Variants in GPRC5C observed in about 807,000 individuals in gnomAD.
GPRC5C encodes G protein-coupled receptor class C group 5 member C.
In GPRC5C, 22 loss-of-function variants were observed where a neutral mutation model predicts 31.4. The observed-to-expected ratio is 0.70, with a 90% confidence interval of 0.50 to 1.00. The LOEUF (loss-of-function observed/expected upper bound fraction) is 1.00. Ranked by LOEUF, GPRC5C falls within the 50% of genes least tolerant of loss-of-function variation. The pLI is 0.00. For synonymous variants in GPRC5C, 249 were observed against 257.5 expected, an observed-to-expected ratio of 0.97 and a Z score of 0.32; for missense variants, 557 against 597.2, an observed-to-expected ratio of 0.93 and a Z score of 0.70.
Position 74,439,794 on chromosome 17 carries a change from C to T in GPRC5C, c.18C>T (p.Ala6=), listed in dbSNP as rs200102526. 33 of 1,613,354 alleles carry T rather than the reference C, an allele frequency of 2.0e-5. No individual in the cohort carries two copies. The highest frequency in any genetic ancestry group is 2.8e-5 in the Non-Finnish European group (33 of 1,179,690). ...GAGCCAGGATGGCCATCCACAAAGC[C>T]TTGGTGATGTGCCTGGGACTGCCTC... The part of the protein sequence containing the change: MAIHK[A]LVMCLGLPLF... Residue 6 remains alanine (A), a synonymous_variant, in exon 2 of 4, where the codon GCC becomes GCT. Coordinates refer to ENST00000392627, the MANE Select transcript of GPRC5C (RefSeq NM_022036.4).
At chr17:74,451,572 C>G (rs1019348225), downstream of GPRC5C, 4 of 152,186 alleles carry the variant, frequency 2.6e-5, no homozygotes, top group African/African-American at 9.7e-5. Flanking sequence ...TCACACCCAC[C>G]ACTGTCAAAC....
downstream of GPRC5C, chr17:74,447,573 T>A: frequency 6.4e-6 from 1 of 156,682 alleles, no homozygotes; most frequent in Non-Finnish European, 1.4e-5. Flanking sequence ...CCTGTGCAGT[T>A]AAGTAGCTGA....
intron 1 of GPRC5C, among the ~76,000 whole-genome samples, chr17:74,437,178 G>A (rs1385504058): frequency 2.0e-5 from 3 of 152,058 alleles, no homozygotes; most frequent in Non-Finnish European, 4.4e-5. Context: ...TCCTGACCTC[G>A]TGATCTGCCC....
intron 3 of GPRC5C, 176 bp from the exon 4 acceptor site, chr17:74,446,673 C>T: frequency 1.7e-6 from 1 of 588,530 alleles, no homozygotes. Context: ...AGATAAGGGG[C>T]TCAGGTCTGG....
intron 3 of GPRC5C, chr17:74,445,795 C>T (rs1314232558): frequency 6.6e-6 from 1 of 152,136 alleles, no homozygotes; most frequent in Non-Finnish European, 1.5e-5. Context: ...ACCCTCTTCA[C>T]CCCACAGCTG....
chr17:74,441,713 C>T (rs956824513), intron 2 of GPRC5C, among the ~76,000 whole-genome samples: 1 of 151,778 alleles, frequency 6.6e-6, no homozygotes, highest in South Asian at 2.1e-4. Context: ...GGTCCCAGCT[C>T]CTCAGGAGGC....
At chr17:74,448,107 C>G (rs2055669678), downstream of GPRC5C, among the ~76,000 whole-genome samples, 1 of 152,012 alleles carries the variant, frequency 6.6e-6, no homozygotes, top group Non-Finnish European at 1.5e-5. Context: ...CCAGGAGTTC[C>G]AGACTAGCCT....
chr17:74,443,231 G>A (rs959750407), intron 2 of GPRC5C: 1 of 220,068 alleles, frequency 4.5e-6, no homozygotes, highest in East Asian at 1.7e-4. Flanking sequence ...AGTATCCCTG[G>A]AGCTAAAAAT....
At chr17:74,449,411 T>G (rs747814522), downstream of GPRC5C, 2 of 1,195,166 alleles carry the variant, frequency 1.7e-6, no homozygotes, top group South Asian at 2.5e-5. Context: ...TCCTCATTCC[T>G]CTGTACCCAG....
chr17:74,432,233 TG>T, intron 1 of GPRC5C, 92 bp downstream of exon 1: 1 of 1,541,652 alleles, frequency 6.5e-7, no homozygotes, highest in Non-Finnish European at 8.8e-7. Context: ...ATTAGCGCCC[TG>T]AATGGAGGTG....
intron 1 of GPRC5C, among the ~76,000 whole-genome samples, chr17:74,438,322 G>T (rs535087062): frequency 2.0e-5 from 3 of 148,100 alleles, no homozygotes; most frequent in Non-Finnish European, 4.5e-5. Flanking sequence ...GTGCAGTGGC[G>T]CAGTCTTGGC....
chr17:74,439,429 G>A (rs79744826), intron 1 of GPRC5C, among the ~76,000 whole-genome samples: 8,143 of 152,214 alleles, frequency 0.053, 450 homozygotes, highest in African/African-American at 0.13. Context: ...ATCCTCCACC[G>A]TGGCCGCCAG....
chr17:74,436,044 C>T (rs1479248438), intron 1 of GPRC5C, among the ~76,000 whole-genome samples: 1 of 152,186 alleles, frequency 6.6e-6, no homozygotes, highest in East Asian at 1.9e-4. Context: ...AGACTCTTTT[C>T]CTAAAAGCGC....
intron 2 of GPRC5C, chr17:74,443,476 T>C (rs1272337310): frequency 2.2e-6 from 1 of 447,458 alleles, no homozygotes; most frequent in African/African-American, 2.0e-5. Context: ...CCATGTGTCC[T>C]CTTGGCCTCT....
chr17:74,438,972 G>A (rs58892503), intron 1 of GPRC5C, among the ~76,000 whole-genome samples: 3,752 of 152,220 alleles, frequency 0.025, 155 homozygotes, highest in African/African-American at 0.084. Context: ...TAGCTACAAC[G>A]TCTTAAAGTC....
In GPRC5C at chr17:74,440,180, C is replaced by A. The variant is rs201326653; in HGVS notation, c.404C>A (p.Ala135Glu). 2 of 1,614,078 alleles carry A rather than the reference C, an allele frequency of 1.2e-6. No homozygotes were observed. Among genetic ancestry groups the A allele is most frequent in the Non-Finnish European group, 1.7e-6 (2 of 1,180,036 alleles). ...TTCGCCATCTGCTTCTCTTGTCTGG[C>A]GGCTCACGTCTTTGCCCTCAACTTC... is the stretch of plus-strand genomic sequence containing the variant. ...VLFAICFSCL[A>E]AHVFALNFLA... is the part of the protein sequence containing the mutation. Residue 135 changes from alanine to glutamate, a missense_variant, in exon 2 of 4, where the codon GCG becomes GAG. Transcript: ENST00000392627. This position sits in a 1 kb window ranked among gnomAD's most constrained non-coding sequence, Gnocchi z 4.4.
chr17:74,432,138 G>C lies in GPRC5C; in HGVS notation c.-36G>C, dbSNP rs374395462. 1.9e-4 allele frequency: 303 copies of C among 1,612,478 alleles called. 1 individual carries two copies. The highest frequency in any genetic ancestry group is 2.4e-4 in the Non-Finnish European group (278 of 1,179,498). Reference sequence around the variant, plus strand: ...CGGAAAGTACGAGTCGGCTCAGCCTGGAGGTGAGTCGGGGCGGGGAGGGCC... The same window carrying C: ...CGGAAAGTACGAGTCGGCTCAGCCTCGAGGTGAGTCGGGGCGGGGAGGGCC... On this transcript the variant is annotated 5_prime_UTR_variant, in exon 1 of 4. Coordinates refer to ENST00000392627, the MANE Select transcript of GPRC5C (RefSeq NM_022036.4).
rs1160077011 is a variant in GPRC5C, at chr17:74,440,658, C to G, written c.882C>G (p.Phe294Leu). ...LAANAWAFVLFYVIPEVSQVT... is the reference protein window; with the variant it reads ...LAANAWAFVLLYVIPEVSQVT... Reference sequence around the variant, plus strand: ...CCAATGCCTGGGCCTTCGTCCTCTTCTACGTCATCCCCGAGGTCTCCCAGG... The same window carrying G: ...CCAATGCCTGGGCCTTCGTCCTCTTGTACGTCATCCCCGAGGTCTCCCAGG... The change falls in exon 2 of 4, where the codon TTC becomes TTG. Residue 294 changes from phenylalanine to leucine, a missense_variant. Transcript: ENST00000392627. This position sits in a 1 kb window ranked among gnomAD's most constrained non-coding sequence, Gnocchi z 4.4. The G allele has an allele frequency of 6.2e-7, 1 of 1,608,724 alleles. No individual in the cohort carries two copies.
chr17:74,432,576 G>T, intron 1 of GPRC5C: 1 of 949,166 alleles, frequency 1.1e-6, no homozygotes, highest in Non-Finnish European at 1.3e-6. Context: ...GGTCGGGACG[G>T]CGGGGAGTGG....
Sources: allele counts gnomAD v4.1 joint callset (sites outside exome capture counted in the v4.1 genomes callset), GRCh38; gene constraint gnomAD v4.1.1; non-coding constraint Gnocchi (gnomAD v3.1); transcripts MANE v1.5; gene names NCBI Gene and HGNC (gene_info 2026-07-23, HGNC 2026-07-21).